The following DACH1 variants were observed in gnomAD, a reference collection of about 807,000 sequenced individuals.
DACH1 encodes the protein dachshund family transcription factor 1.
Under a neutral mutation model 54.2 loss-of-function variants are expected in DACH1, and 12 were observed. That is an observed-to-expected ratio of 0.22 (90% CI 0.14 to 0.36). The LOEUF (loss-of-function observed/expected upper bound fraction) is 0.36. Among genes scored for constraint, DACH1 ranks in the 10% least tolerant of loss-of-function variants. The pLI, the probability that DACH1 is intolerant of heterozygous loss-of-function variation, is 1.00. For synonymous variants in DACH1, 386 were observed against 366.2 expected, an observed-to-expected ratio of 1.05 and a Z score of -0.62; for missense variants, 805 against 929.8, an observed-to-expected ratio of 0.87 and a Z score of 1.75.
At chr13:71,835,979 A>G (rs1888768209) in intron 1 of DACH1, among the ~76,000 whole-genome samples, 1 of 152,106 alleles carries the variant, frequency 6.6e-6, no homozygotes, top group African/African-American at 2.4e-5. Context: ...ACTGCAGGCT[A>G]TTTACCAACT....
At chr13:71,556,538 A>G (rs1214276930) in intron 6 of DACH1, among the ~76,000 whole-genome samples, 1 of 152,154 alleles carries the variant, frequency 6.6e-6, no homozygotes, top group African/African-American at 2.4e-5. Flanking sequence ...TTTTTTAGCT[A>G]TGTAGAACCT....
chr13:71,748,029 A>G (rs1341438693), intron 1 of DACH1, among the ~76,000 whole-genome samples: 1 of 152,208 alleles, frequency 6.6e-6, no homozygotes, highest in Non-Finnish European at 1.5e-5. Flanking sequence ...CAGCATGTTG[A>G]CTTCCAACTA....
intron 6 of DACH1, among the ~76,000 whole-genome samples, chr13:71,522,395 G>A (rs965041576): frequency 2.0e-5 from 3 of 151,860 alleles, no homozygotes; most frequent in Middle Eastern, 3.2e-3. Flanking sequence ...CTACCACCAC[G>A]CCGCACCTCC....
rs536690924 is a variant in DACH1 at position 71,799,014 on chromosome 13, C to T, written c.848+66908G>A. 6.6e-5 allele frequency among the ~76,000 whole-genome samples: 10 copies of T among 152,130 alleles called. No individual in the cohort carries two copies. The South Asian group carries it at 2.1e-3, about 32-fold the overall frequency. On this transcript the variant is annotated intron_variant, in intron 1 of 10. Coordinates refer to ENST00000613252, the MANE Select transcript of DACH1 (RefSeq NM_080759.6). The stretch of plus-strand genomic sequence containing the variant: ...CACACTTAATTGATCTCTTTAGTCC[C>T]AGAAGCATTCCAGAGACACAACCTG...
chr13:71,559,879 T>G lies in DACH1; in HGVS notation c.1376A>C (p.His459Pro). ...GRRPGSHPSS[H>P]RSSSVSSSPA... ...GGAGCTGGACACGCTGCTGCTGCGA[T>G]GTGATGATGGGTGACTGCCAGGCCT... Residue 459 changes from histidine to proline, a missense_variant, in exon 5 of 11, where the codon CAT becomes CCT. By Grantham distance (77) the His-to-Pro change is moderately conservative (BLOSUM62 -2). Coordinates refer to ENST00000613252, the MANE Select transcript of DACH1 (RefSeq NM_080759.6). 1 of 1,612,994 alleles carries G rather than the reference T, an allele frequency of 6.2e-7. No individual in the cohort carries two copies. Among genetic ancestry groups the G allele is most frequent in the South Asian group, 1.1e-5 (1 of 91,004 alleles).
intron 10 of DACH1, among the ~76,000 whole-genome samples, chr13:71,455,316 T>TATC (rs1875461996): frequency 6.6e-6 from 1 of 152,110 alleles, no homozygotes; most frequent in Non-Finnish European, 1.5e-5. Flanking sequence ...ATCATATATC[T>TATC]ATCTCTCCAT....
At chr13:71,826,934 C>A (rs1274751366) in intron 1 of DACH1, among the ~76,000 whole-genome samples, 1 of 151,882 alleles carries the variant, frequency 6.6e-6, no homozygotes, top group Non-Finnish European at 1.5e-5. Context: ...CAAAGTCTTC[C>A]GAAAGCTTTA....
intron 1 of DACH1, among the ~76,000 whole-genome samples, chr13:71,775,282 G>A (rs375046852): frequency 6.6e-6 from 1 of 151,740 alleles, no homozygotes; most frequent in African/African-American, 2.4e-5. Context: ...TCCAGCCTGG[G>A]CAACAGGGCA....
chr13:71,755,945 C>A (rs1032245688), intron 1 of DACH1, among the ~76,000 whole-genome samples: 2 of 151,780 alleles, frequency 1.3e-5, no homozygotes, highest in African/African-American at 4.8e-5. Context: ...GGAAAAAATA[C>A]TAAAAAATGT....
intron 7 of DACH1, among the ~76,000 whole-genome samples, chr13:71,481,804 G>T (rs1878056353): frequency 6.6e-6 from 1 of 152,188 alleles, no homozygotes. Flanking sequence ...GTAGTGTTCA[G>T]AACATCTACA....
chr13:71,684,107 A>T (rs1420165397), intron 1 of DACH1, among the ~76,000 whole-genome samples: 1 of 151,964 alleles, frequency 6.6e-6, no homozygotes, highest in Non-Finnish European at 1.5e-5. Flanking sequence ...TCTCTTCTAT[A>T]TCCCCACTCC....
intron 3 of DACH1, among the ~76,000 whole-genome samples, chr13:71,620,609 T>C (rs563598631): frequency 1.2e-4 from 19 of 152,150 alleles, no homozygotes; most frequent in African/African-American, 4.6e-4. Flanking sequence ...AATAATGTCA[T>C]AACACTTTTA....
At chr13:71,677,173 T>C (rs1015902721) in intron 2 of DACH1, among the ~76,000 whole-genome samples, 5 of 152,162 alleles carry the variant, frequency 3.3e-5, no homozygotes, top group Admixed American at 1.3e-4. Context: ...TAAATAGACG[T>C]CATCTTATAA....
chr13:71,653,186 T>C (rs1000935430), intron 2 of DACH1, among the ~76,000 whole-genome samples: 2 of 152,174 alleles, frequency 1.3e-5, no homozygotes, highest in African/African-American at 2.4e-5. Context: ...CCAAATCTTC[T>C]GGAGAAAGCA....
intron 6 of DACH1, among the ~76,000 whole-genome samples, chr13:71,547,037 C>G (rs1883507965): frequency 6.6e-6 from 1 of 151,950 alleles, no homozygotes; most frequent in South Asian, 2.1e-4. Flanking sequence ...GATAGCTTCC[C>G]CATGTAAATT....
At chr13:71,466,719 G>T (rs1238141269) in intron 10 of DACH1, among the ~76,000 whole-genome samples, 1 of 151,716 alleles carries the variant, frequency 6.6e-6, no homozygotes, top group Admixed American at 6.6e-5. Context: ...CACACACAAC[G>T]TCTGTGGTCC....
rs543283707 is a variant in DACH1, at chr13:71,555,186, G to A, written c.1570+1838C>T. ...TGTAAGGGAAAATTGAGAAAAGAGT[G>A]ACTCAAATAATTTTCTGTAGGGCTT... On this transcript the variant is annotated intron_variant, in intron 6 of 10. Coordinates refer to ENST00000613252, the MANE Select transcript of DACH1 (RefSeq NM_080759.6). 2.6e-5 allele frequency among the ~76,000 whole-genome samples: 4 copies of A among 152,234 alleles called. No homozygotes were observed. In the East Asian group the frequency reaches 7.7e-4, roughly 29 times the overall value.
intron 1 of DACH1, among the ~76,000 whole-genome samples, chr13:71,736,095 T>C (rs1295766805): frequency 1.3e-5 from 2 of 152,174 alleles, no homozygotes; most frequent in East Asian, 1.9e-4. Flanking sequence ...GGTAGAGGTA[T>C]GCATGGATTT....
intron 3 of DACH1, among the ~76,000 whole-genome samples, chr13:71,605,601 T>G (rs1373961535): frequency 2.0e-5 from 3 of 152,016 alleles, no homozygotes; most frequent in Non-Finnish European, 4.4e-5. Flanking sequence ...TATATCATTT[T>G]TAAGCTTTTA....
Sources: gnomAD v4.1 joint callset for allele counts (sites outside exome capture counted in the v4.1 genomes callset) on GRCh38, gnomAD v4.1.1 for gene constraint, MANE v1.5 for transcripts, NCBI Gene and HGNC (gene_info 2026-07-23, HGNC 2026-07-21) for gene names.